Variants in OOEP observed in about 807,000 individuals in gnomAD.
OOEP encodes oocyte-expressed protein homolog.
In OOEP, 16 loss-of-function variants were observed where a neutral mutation model predicts 13.7. The observed-to-expected ratio is 1.16, with a 90% CI of 0.79 to 1.77. The LOEUF (loss-of-function observed/expected upper bound fraction) is 1.77. OOEP is among the 40% of genes most tolerant of loss of function. OOEP has a pLI of 0.00. For missense variants in OOEP, 195 were observed against 193.1 expected (o/e 1.01, Z -0.06); for synonymous variants, 89 against 77.1 (o/e 1.15, Z -0.81).
At chr6:73,393,606 C>A (rs978133591) in intron 2 of OOEP, among the ~76,000 whole-genome samples, 1 of 152,234 alleles carries the variant, frequency 6.6e-6, no homozygotes, top group Admixed American at 6.5e-5. Context: ...TGTGTGAGGC[C>A]AAGGCAGGAG....
intron 2 of OOEP, chr6:73,387,758 A>C (rs1769294560): frequency 1.3e-5 from 2 of 151,938 alleles, no homozygotes; most frequent in Non-Finnish European, 2.9e-5. Context: ...AGCCTGGCTA[A>C]TTTTTTGTAT....
At chr6:73,373,278 T>C (rs1769088890), upstream of OOEP, 7 of 1,591,510 alleles carry the variant, frequency 4.4e-6, no homozygotes, top group East Asian at 1.6e-4. Context: ...AGCAGCGGAG[T>C]CAAGAACACA....
upstream of OOEP, among the ~76,000 whole-genome samples, chr6:73,370,469 T>A (rs1323097233): frequency 6.6e-6 from 1 of 152,192 alleles, no homozygotes; most frequent in Admixed American, 6.5e-5. Context: ...TAATTTTAAT[T>A]AAAAATTTGG....
chr6:73,390,581 CTTT>C (rs1174507865), intron 2 of OOEP, among the ~76,000 whole-genome samples: 3 of 135,930 alleles, frequency 2.2e-5, no homozygotes, highest in Non-Finnish European at 3.2e-5. Context: ...TACCCAAAAA[CTTT>C]TTTTTTTTTT....
upstream of OOEP, among the ~76,000 whole-genome samples, chr6:73,371,621 A>G (rs1256779614): frequency 2.0e-5 from 3 of 152,084 alleles, no homozygotes; most frequent in African/African-American, 7.2e-5. Flanking sequence ...ATGGTGGTGC[A>G]TGCCTATAAT....
upstream of OOEP, among the ~76,000 whole-genome samples, chr6:73,370,679 C>T (rs1013683321): frequency 6.6e-6 from 1 of 152,168 alleles, no homozygotes; most frequent in East Asian, 1.9e-4. Context: ...CATGCATGTC[C>T]TTACACATTT....
At chr6:73,385,595 C>CT (rs533507847) in intron 2 of OOEP, among the ~76,000 whole-genome samples, 4,734 of 142,270 alleles carry the variant, frequency 0.033, 281 homozygotes, top group East Asian at 0.16. Context: ...TAAAAGCTCT[C>CT]TTTTTTTTTT....
upstream of OOEP, among the ~76,000 whole-genome samples, chr6:73,370,671 T>C (rs1769035018): frequency 2.6e-5 from 4 of 152,336 alleles, no homozygotes; most frequent in South Asian, 8.3e-4. Flanking sequence ...ATCATCCCCA[T>C]GCATGTCCTT....
intron 2 of OOEP, among the ~76,000 whole-genome samples, chr6:73,386,632 T>A (rs766600274): frequency 5.3e-5 from 8 of 151,974 alleles, no homozygotes; most frequent in African/African-American, 1.9e-4. Context: ...AGAAGATGAA[T>A]TTAGACCCTT....
At chr6:73,394,995 G>A in exon 1 of OOEP, 1 of 1,614,270 alleles carries the variant, frequency 6.2e-7, no homozygotes, top group Non-Finnish European at 8.5e-7. Context: ...CAGAGAGGAG[G>A]CCGGCGGAGG....
chr6:73,377,017 C>A (rs572254779), intron 2 of OOEP, among the ~76,000 whole-genome samples: 2 of 152,248 alleles, frequency 1.3e-5, no homozygotes, highest in African/African-American at 4.8e-5. Context: ...TGGTGAGATG[C>A]CCTATGGTTC....
chr6:73,386,454 TAGAA>T (rs1378967184), intron 2 of OOEP, among the ~76,000 whole-genome samples: 4 of 152,168 alleles, frequency 2.6e-5, no homozygotes, highest in African/African-American at 4.8e-5. Flanking sequence ...AACAAACAAA[TAGAA>T]TGAATGAGTT....
intron 2 of OOEP, among the ~76,000 whole-genome samples, chr6:73,380,813 C>T (rs1372374635): frequency 6.6e-6 from 1 of 151,978 alleles, no homozygotes; most frequent in Non-Finnish European, 1.5e-5. Flanking sequence ...GGTAGAGAGG[C>T]TAGAGAAGAT....
At chr6:73,388,412 T>C (rs1420170574) in intron 2 of OOEP, among the ~76,000 whole-genome samples, 4 of 152,216 alleles carry the variant, frequency 2.6e-5, no homozygotes, top group Admixed American at 6.5e-5. Context: ...ACCAAATTTA[T>C]CTCTGGGTAA....
At chr6:73,372,529 C>T (rs1054775348), upstream of OOEP, among the ~76,000 whole-genome samples, 5 of 152,172 alleles carry the variant, frequency 3.3e-5, no homozygotes, top group African/African-American at 1.2e-4. Flanking sequence ...GTGTTGGTTT[C>T]GCATCTCTCA....
At chr6:73,373,317 C>T (rs938986142), upstream of OOEP, 2 of 1,518,032 alleles carry the variant, frequency 1.3e-6, no homozygotes, top group African/African-American at 2.7e-5. Flanking sequence ...GAAGAGGGCT[C>T]CTTCTCTTCT....
intron 2 of OOEP, among the ~76,000 whole-genome samples, chr6:73,387,442 A>G (rs1769288909): frequency 6.6e-6 from 1 of 152,030 alleles, no homozygotes; most frequent in Admixed American, 6.6e-5. Context: ...TGAACATGGG[A>G]GGCGGAGGTT....
chr6:73,394,572 T>C (rs1463148312), intron 1 of OOEP: 2 of 431,236 alleles, frequency 4.6e-6, no homozygotes, highest in Non-Finnish European at 8.3e-6. Context: ...AGGGAGCAAA[T>C]TGGGCGTTTG....
At chr6:73,383,700 G>A (rs1387774450) in intron 2 of OOEP, among the ~76,000 whole-genome samples, 1 of 152,062 alleles carries the variant, frequency 6.6e-6, no homozygotes, top group Non-Finnish European at 1.5e-5. Context: ...TAAAAATTAT[G>A]TAGAAAATAG....
Sources: gnomAD v4.1 joint callset for allele counts (sites outside exome capture counted in the v4.1 genomes callset) on GRCh38, gnomAD v4.1.1 for gene constraint, MANE v1.5 for transcripts, NCBI Gene and HGNC (gene_info 2026-07-23, HGNC 2026-07-21) for gene names.